TENM4: variants seen among roughly 807,000 people sequenced by gnomAD.
TENM4 encodes the protein teneurin transmembrane protein 4, also known as teneurin-4.
TENM4 carries 82 observed loss-of-function variants against 243.3 expected under a neutral mutation model. The ratio of observed to expected loss-of-function variants is 0.34; its 90% CI spans 0.28 to 0.40. The LOEUF (loss-of-function observed/expected upper bound fraction) is 0.40. Ranked by LOEUF, TENM4 falls within the 10% of genes least tolerant of loss-of-function variation. The pLI is 1.00. For synonymous variants in TENM4, 1,412 were observed against 1,456.3 expected (o/e 0.97, Z 0.69); for missense variants, 3,138 against 3,673.3 (o/e 0.85, Z 3.77).
At chr11:78,841,657 TC>T (rs1181415703) in intron 12 of TENM4, among the ~76,000 whole-genome samples, 1 of 151,946 alleles carries the variant, frequency 6.6e-6, no homozygotes, top group Non-Finnish European at 1.5e-5. Flanking sequence ...CCTCCAGTCT[TC>T]CCCCCTGGCT....
chr11:79,123,014 C>T (rs76715007), intron 4 of TENM4, among the ~76,000 whole-genome samples: 1,776 of 152,286 alleles, frequency 0.012, 39 homozygotes, highest in African/African-American at 0.041. Context: ...AATGAAGCAA[C>T]GTCATCCTGG....
intron 3 of TENM4, among the ~76,000 whole-genome samples, chr11:79,162,246 T>C (rs1342373020): frequency 6.6e-6 from 1 of 152,202 alleles, no homozygotes; most frequent in Non-Finnish European, 1.5e-5. Flanking sequence ...TAAATCCTAG[T>C]CTTCCAGTTA....
At chr11:79,250,090 A>G (rs919932805) in intron 2 of TENM4, among the ~76,000 whole-genome samples, 4 of 151,670 alleles carry the variant, frequency 2.6e-5, no homozygotes, top group African/African-American at 7.3e-5. Flanking sequence ...TGTTCAAGCA[A>G]CTCTCCTGCC....
At chr11:78,674,400 A>T (rs907243609) in intron 30 of TENM4, among the ~76,000 whole-genome samples, 1 of 152,140 alleles carries the variant, frequency 6.6e-6, no homozygotes, top group African/African-American at 2.4e-5. Context: ...TGGGAGAGGG[A>T]CCAATTAAAG....
chr11:79,204,276 A>G (rs1026469868), intron 3 of TENM4, among the ~76,000 whole-genome samples: 1 of 152,240 alleles, frequency 6.6e-6, no homozygotes, highest in Admixed American at 6.5e-5. Context: ...TATGTCAATT[A>G]TGTCTAAATA....
intron 1 of TENM4, among the ~76,000 whole-genome samples, chr11:79,344,434 C>T (rs1460780689): frequency 6.6e-6 from 1 of 152,182 alleles, no homozygotes; most frequent in African/African-American, 2.4e-5. Flanking sequence ...GAGAAAGACA[C>T]AGGCCCATGA....
intron 2 of TENM4, among the ~76,000 whole-genome samples, chr11:79,276,916 A>G (rs1324013297): frequency 6.6e-6 from 1 of 151,452 alleles, no homozygotes; most frequent in Non-Finnish European, 1.5e-5. Flanking sequence ...CATCCCCCCA[A>G]CTTCTGCTGC....
chr11:78,758,107 A>G (rs778915871), intron 18 of TENM4, among the ~76,000 whole-genome samples: 1 of 152,216 alleles, frequency 6.6e-6, no homozygotes. Context: ...GGAAAAGCCC[A>G]GGGGTACAGT....
chr11:79,138,195 C>A (rs1001559893), intron 4 of TENM4, among the ~76,000 whole-genome samples: 1 of 149,502 alleles, frequency 6.7e-6, no homozygotes, highest in Non-Finnish European at 1.5e-5. Flanking sequence ...CCTCAAATAT[C>A]GGACTCCAAA....
At chr11:78,903,912 A>G in intron 6 of TENM4, 1 of 498,764 alleles carries the variant, frequency 2.0e-6, no homozygotes, top group Non-Finnish European at 3.9e-6. Flanking sequence ...AGAGATGAAA[A>G]TAAGCCCTGC....
At chr11:78,705,064 C>T (rs912428132) in intron 27 of TENM4, among the ~76,000 whole-genome samples, 2 of 152,242 alleles carry the variant, frequency 1.3e-5, no homozygotes, top group African/African-American at 2.4e-5. Flanking sequence ...TGGGCAGTGT[C>T]GTGGCAGCTT....
intron 3 of TENM4, among the ~76,000 whole-genome samples, chr11:79,179,125 A>G (rs1055840670): frequency 2.0e-5 from 3 of 152,172 alleles, no homozygotes; most frequent in African/African-American, 7.2e-5. Context: ...GATATACTAT[A>G]TTTTGTACAT....
At chr11:79,424,478 G>C (rs1301959172) in intron 1 of TENM4, among the ~76,000 whole-genome samples, 1 of 152,134 alleles carries the variant, frequency 6.6e-6, no homozygotes, top group African/African-American at 2.4e-5. Flanking sequence ...TATGATGGCT[G>C]GATGCCTGTA....
At chr11:79,230,890 T>C (rs544237167) in intron 2 of TENM4, among the ~76,000 whole-genome samples, 1 of 152,250 alleles carries the variant, frequency 6.6e-6, no homozygotes, top group East Asian at 1.9e-4. Context: ...TATGGTACAA[T>C]AGCTTTGTCT....
chr11:79,422,888 C>T (rs1352790838), intron 1 of TENM4, among the ~76,000 whole-genome samples: 1 of 152,154 alleles, frequency 6.6e-6, no homozygotes, highest in Non-Finnish European at 1.5e-5. Context: ...CTTGTCACCT[C>T]TACATTTTAA....
chr11:78,882,426 G>T (rs946309708), intron 9 of TENM4, among the ~76,000 whole-genome samples: 2 of 152,162 alleles, frequency 1.3e-5, no homozygotes, highest in African/African-American at 4.8e-5. Flanking sequence ...ATTTTGCAAG[G>T]CCTCTTATTC....
chr11:78,775,338 C>A (rs1031725478), intron 17 of TENM4, among the ~76,000 whole-genome samples: 1 of 152,138 alleles, frequency 6.6e-6, no homozygotes, highest in Non-Finnish European at 1.5e-5. Context: ...CATCACCAGA[C>A]CTTTAGTGGG....
At chr11:79,323,492 A>C (rs1856924499) in intron 1 of TENM4, among the ~76,000 whole-genome samples, 1 of 152,200 alleles carries the variant, frequency 6.6e-6, no homozygotes, top group Admixed American at 6.5e-5. Flanking sequence ...TTCCTAAAAA[A>C]GGTGATGCAC....
chr11:79,220,877 A>G lies in TENM4; in HGVS notation c.-264-4968T>C, dbSNP rs144877341. The G allele has an allele frequency of 3.0e-3, 462 of 152,326 alleles. 2 individuals are homozygous for G. Among genetic ancestry groups the G allele is most frequent in the African/African-American group, 0.01 (435 of 41,580 alleles). 9.4% of individuals were successfully genotyped at this position (152,326 alleles called of 1,614,324 possible). A position where few individuals can be genotyped will look rare whatever the true frequency, so the allele number is the denominator to read the frequency against. On this transcript the variant is annotated intron_variant, in intron 2 of 33. Coordinates refer to ENST00000278550, the MANE Select transcript of TENM4 (RefSeq NM_001098816.3). ...GTTCTTCTGGGATTTTTATGCTCCC[A>G]GCCTGGTTTGAAGAGTGACTTTAAG...
Sources: allele counts gnomAD v4.1 joint callset (sites outside exome capture counted in the v4.1 genomes callset), GRCh38; gene constraint gnomAD v4.1.1; transcripts MANE v1.5; gene names NCBI Gene and HGNC (gene_info 2026-07-23, HGNC 2026-07-21).